ITPR2: variants seen among roughly 807,000 people sequenced by gnomAD.
ITPR2 encodes inositol 1,4,5-trisphosphate receptor type 2.
ITPR2 carries 207 observed loss-of-function variants against 317.1 expected under a neutral mutation model. The observed-to-expected ratio is 0.65, with a 90% CI of 0.58 to 0.73. The LOEUF (loss-of-function observed/expected upper bound fraction) is 0.73, where lower values mean the gene tolerates loss of function less well. Ranked by LOEUF, ITPR2 falls within the 30% of genes least tolerant of loss-of-function variation. ITPR2 has a pLI of 0.00. For synonymous variants in ITPR2, 1,156 were observed against 1,149.1 expected (o/e 1.01, Z -0.12); for missense variants, 2,613 against 3,284.0 (o/e 0.80, Z 4.99).
chr12:26,472,980 A>G (rs542094234), intron 45 of ITPR2, among the ~76,000 whole-genome samples: 3 of 152,102 alleles, frequency 2.0e-5, no homozygotes, highest in Admixed American at 2.0e-4. Context: ...TCCACCTTCC[A>G]GGTTCAAGTG....
At chr12:26,655,411 G>A (rs373570161) in intron 20 of ITPR2, among the ~76,000 whole-genome samples, 3 of 152,044 alleles carry the variant, frequency 2.0e-5, no homozygotes, top group South Asian at 2.1e-4. Flanking sequence ...TCAGGACATC[G>A]AGACCATCCC....
chr12:26,648,119 C>T (rs1382972820), intron 21 of ITPR2, among the ~76,000 whole-genome samples: 1 of 152,146 alleles, frequency 6.6e-6, no homozygotes, highest in East Asian at 1.9e-4. Context: ...TTGCCACTTT[C>T]CAAGCCAGCC....
At chr12:26,737,526 T>C (rs1949147808) in intron 2 of ITPR2, among the ~76,000 whole-genome samples, 4 of 152,198 alleles carry the variant, frequency 2.6e-5, no homozygotes, top group Admixed American at 2.0e-4. Flanking sequence ...GTTCTGGGAT[T>C]ACAGGCATAA....
intron 2 of ITPR2, among the ~76,000 whole-genome samples, chr12:26,738,005 A>G (rs779178070): frequency 2.6e-5 from 4 of 151,314 alleles, no homozygotes; most frequent in Non-Finnish European, 5.9e-5. Context: ...TTTCCCCACA[A>G]CACACACACA....
At chr12:26,464,458 C>T (rs1176697675) in intron 45 of ITPR2, among the ~76,000 whole-genome samples, 2 of 152,176 alleles carry the variant, frequency 1.3e-5, no homozygotes, top group East Asian at 3.9e-4. Flanking sequence ...GGAGGCAGAG[C>T]TCAGGTGGTC....
chr12:26,378,139 T>C (rs1253951585), intron 55 of ITPR2, among the ~76,000 whole-genome samples: 1 of 152,034 alleles, frequency 6.6e-6, no homozygotes, highest in African/African-American at 2.4e-5. Context: ...CTTAATGGGG[T>C]GCATATGGTA....
intron 2 of ITPR2, among the ~76,000 whole-genome samples, chr12:26,735,191 G>A (rs533555939): frequency 5.9e-5 from 9 of 152,026 alleles, no homozygotes; most frequent in Non-Finnish European, 8.8e-5. Context: ...TAGTAGAAAC[G>A]GGGTTTCACC....
chr12:26,344,635 G>A (rs932297399), intron 55 of ITPR2, among the ~76,000 whole-genome samples: 2 of 146,816 alleles, frequency 1.4e-5, no homozygotes, highest in Non-Finnish European at 3.0e-5. Flanking sequence ...TTGAGCCACA[G>A]AACTCCCTTT....
intron 37 of ITPR2, among the ~76,000 whole-genome samples, chr12:26,516,479 T>G (rs1943522553): frequency 6.6e-6 from 1 of 151,918 alleles, no homozygotes; most frequent in Non-Finnish European, 1.5e-5. Flanking sequence ...CTTCAAAGAC[T>G]TCCCATAAAT....
chr12:26,672,571 A>T (rs1372583457), intron 13 of ITPR2, among the ~76,000 whole-genome samples: 1 of 150,866 alleles, frequency 6.6e-6, no homozygotes, highest in East Asian at 1.9e-4. Flanking sequence ...GGAAATTTAT[A>T]GCACTAAATG....
intron 1 of ITPR2, among the ~76,000 whole-genome samples, chr12:26,812,692 C>T (rs1335647193): frequency 5.3e-5 from 8 of 152,214 alleles, no homozygotes; most frequent in Admixed American, 2.6e-4. Context: ...CTCCAAAGGA[C>T]CACTGAGGAA....
intron 54 of ITPR2, among the ~76,000 whole-genome samples, 171 bp from the exon 55 acceptor site, chr12:26,387,765 G>T (rs1939708169): frequency 6.6e-6 from 1 of 152,172 alleles, no homozygotes; most frequent in African/African-American, 2.4e-5. Context: ...CTCCAGAAAA[G>T]AGGCCATCGT....
At chr12:26,551,548 G>A (rs1944525418) in intron 36 of ITPR2, among the ~76,000 whole-genome samples, 1 of 152,208 alleles carries the variant, frequency 6.6e-6, no homozygotes, top group South Asian at 2.1e-4. Context: ...ACACATGCTA[G>A]GCTGCACACA....
At chr12:26,403,445 C>G (rs1339875585) in intron 52 of ITPR2, among the ~76,000 whole-genome samples, 6 of 152,128 alleles carry the variant, frequency 3.9e-5, no homozygotes, top group Admixed American at 6.6e-5. Context: ...GACAAATTAG[C>G]ATGTGGTAAA....
Position 26,486,274 on chromosome 12 carries a change from A to G in ITPR2, c.5641T>C (p.Tyr1881His), listed in dbSNP as rs561732378. 1 of 1,614,138 alleles carries G rather than the reference A, an allele frequency of 6.2e-7. No homozygotes were observed. The highest frequency in any genetic ancestry group is 8.5e-7 in the Non-Finnish European group (1 of 1,179,982). ...SSATSKAYCV[Y>H]RREMDPEIDI... Reference sequence around the variant, plus strand: ...ATTTCTGGATCCATTTCTCTTCTGTATACACAATATGCTTTGGATGTTGCT... The same window carrying G: ...ATTTCTGGATCCATTTCTCTTCTGTGTACACAATATGCTTTGGATGTTGCT... Residue 1881 changes from tyrosine (Y) to histidine (H), a missense_variant, in exon 41 of 57, where the codon TAC becomes CAC. Tyr to His is a moderately conservative substitution (Grantham distance 83). This residue lies in a region of ITPR2 where 926 missense variants were observed against 1,072.8 expected (regional missense o/e 0.86). Coordinates refer to ENST00000381340, the MANE Select transcript of ITPR2 (RefSeq NM_002223.4).
At chr12:26,732,240 G>T (rs1206209589) in intron 2 of ITPR2, among the ~76,000 whole-genome samples, 1 of 152,216 alleles carries the variant, frequency 6.6e-6, no homozygotes, top group Non-Finnish European at 1.5e-5. Flanking sequence ...ATAGCATTTT[G>T]TCATTACAGG....
At chr12:26,426,788 T>C (rs1284748041) in intron 49 of ITPR2, among the ~76,000 whole-genome samples, 1 of 151,704 alleles carries the variant, frequency 6.6e-6, no homozygotes, top group African/African-American at 2.4e-5. Flanking sequence ...TTCTTGAAAG[T>C]TTGGTTGACT....
intron 2 of ITPR2, among the ~76,000 whole-genome samples, chr12:26,784,301 CCCTCTCCCTCTCCCTCTG>C (rs1565762341): frequency 6.3e-5 from 1 of 16,000 alleles, no homozygotes; most frequent in African/African-American, 1.9e-4. Context: ...CTCTCCCTCT[CCCTCTCCCTCTCCCTCTG>C]CCTCTCCCTC....
At chr12:26,481,106 G>T in intron 43 of ITPR2, 25 bp downstream of exon 43, 2 of 1,368,066 alleles carry the variant, frequency 1.5e-6, no homozygotes, top group Non-Finnish European at 2.1e-6. Context: ...TAGCTTTTCT[G>T]GCCTGAACAG....
Sources: allele counts gnomAD v4.1 joint callset (sites outside exome capture counted in the v4.1 genomes callset), GRCh38; gene constraint gnomAD v4.1.1; regional missense constraint gnomAD v4.1.1; transcripts MANE v1.5; gene names NCBI Gene and HGNC (gene_info 2026-07-23, HGNC 2026-07-21).